The following PTPRG variants were observed in gnomAD, a reference collection of about 807,000 sequenced individuals.
PTPRG encodes receptor-type tyrosine-protein phosphatase gamma.
Under a neutral mutation model 165.3 loss-of-function variants are expected in PTPRG, and 102 were observed. The observed-to-expected ratio is 0.62, with a 90% confidence interval of 0.53 to 0.73. The LOEUF (loss-of-function observed/expected upper bound fraction) is 0.73, where lower values mean the gene tolerates loss of function less well. Among genes scored for constraint, PTPRG ranks in the 30% least tolerant of loss-of-function variants. The pLI, the probability that PTPRG is intolerant of heterozygous loss-of-function variation, is 0.00. For missense variants in PTPRG, 1,866 were observed against 1,861.4 expected (o/e 1.00, Z -0.05); for synonymous variants, 675 against 669.5 (o/e 1.01, Z -0.13).
At chr3:62,220,370 A>C (rs192870545) in intron 13 of PTPRG, among the ~76,000 whole-genome samples, 33 of 152,364 alleles carry the variant, frequency 2.2e-4, no homozygotes, top group Admixed American at 9.8e-4. Context: ...GGGCAGAAAC[A>C]GAGACCATCG....
chr3:62,275,821 A>G lies in PTPRG; in HGVS notation c.3466-52A>G, dbSNP rs576417758. On this transcript the variant is annotated intron_variant, in intron 23 of 29. Transcript: ENST00000474889. ...GGATTTTTGCCAAAGCATCAAGCAA[A>G]TGCTATCAATTATATCTTTGAATGA... 9 of 1,373,800 alleles carry G rather than the reference A, an allele frequency of 6.6e-6. No individual in the cohort carries two copies. In the South Asian group the frequency reaches 7.8e-5, roughly 12 times the overall value. 85.1% of individuals were successfully genotyped at this position (1,373,800 alleles called of 1,614,324 possible).
intron 2 of PTPRG, among the ~76,000 whole-genome samples, chr3:61,861,641 T>C (rs12633401): frequency 0.11 from 17,134 of 152,212 alleles, 1,608 homozygotes; most frequent in East Asian, 0.49. Context: ...TCAGTCACAA[T>C]AGTTTTCACA....
At chr3:61,562,403 C>T (rs1478365082) in intron 1 of PTPRG, 31 bp downstream of exon 1, 6 of 1,603,922 alleles carry the variant, frequency 3.7e-6, no homozygotes, top group East Asian at 4.5e-5. Flanking sequence ...GGATGCGGCC[C>T]CGGCCGGCGC....
intron 6 of PTPRG, among the ~76,000 whole-genome samples, chr3:62,149,746 C>G (rs1217432511): frequency 6.6e-6 from 1 of 152,148 alleles, no homozygotes; most frequent in African/African-American, 2.4e-5. Flanking sequence ...CATTCATGGC[C>G]GGTCTAGACT....
intron 1 of PTPRG, among the ~76,000 whole-genome samples, chr3:61,650,257 G>A (rs556755794): frequency 6.6e-6 from 1 of 152,272 alleles, no homozygotes; most frequent in Non-Finnish European, 1.5e-5. Context: ...AAGGGTGGGG[G>A]CACCATGTAC....
At chr3:62,164,756 G>A (rs1020596312) in intron 7 of PTPRG, among the ~76,000 whole-genome samples, 1 of 152,182 alleles carries the variant, frequency 6.6e-6, no homozygotes, top group African/African-American at 2.4e-5. Context: ...CATTTTTACA[G>A]TTATGTGACT....
At chr3:61,913,280 C>T (rs1278825271) in intron 2 of PTPRG, among the ~76,000 whole-genome samples, 1 of 152,082 alleles carries the variant, frequency 6.6e-6, no homozygotes, top group African/African-American at 2.4e-5. Context: ...AGTGCAGTGG[C>T]GCGATCTTGG....
At chr3:61,666,908 A>C (rs1254408028) in intron 1 of PTPRG, among the ~76,000 whole-genome samples, 1 of 152,194 alleles carries the variant, frequency 6.6e-6, no homozygotes, top group African/African-American at 2.4e-5. Flanking sequence ...ATGGTGTAGA[A>C]CAGTACTTGG....
At chr3:61,895,139 A>C (rs1430389229) in intron 2 of PTPRG, among the ~76,000 whole-genome samples, 1 of 152,178 alleles carries the variant, frequency 6.6e-6, no homozygotes, top group Non-Finnish European at 1.5e-5. Context: ...ATAAACAGGT[A>C]AGTGTTCTAA....
At chr3:62,138,534 C>T (rs1254862029) in intron 6 of PTPRG, among the ~76,000 whole-genome samples, 2 of 152,006 alleles carry the variant, frequency 1.3e-5, no homozygotes, top group Non-Finnish European at 2.9e-5. Context: ...GCCTGGCCAA[C>T]ATGGTGAATC....
chr3:61,826,035 G>T (rs1042873883), intron 2 of PTPRG, among the ~76,000 whole-genome samples: 2 of 152,176 alleles, frequency 1.3e-5, no homozygotes, highest in Admixed American at 6.5e-5. Context: ...TTAGCACTCT[G>T]CATGGTACAT....
chr3:61,758,418 T>C (rs186002974), intron 2 of PTPRG, among the ~76,000 whole-genome samples: 2 of 152,312 alleles, frequency 1.3e-5, no homozygotes, highest in Admixed American at 1.3e-4. Context: ...TAATACTTTA[T>C]TGGCTGAAAT....
At chr3:61,730,225 T>G (rs1170430677) in intron 1 of PTPRG, among the ~76,000 whole-genome samples, 1 of 151,640 alleles carries the variant, frequency 6.6e-6, no homozygotes, top group Non-Finnish European at 1.5e-5. Flanking sequence ...CACCAACTGT[T>G]GCAGCTACAG....
intron 4 of PTPRG, among the ~76,000 whole-genome samples, chr3:62,052,470 G>A (rs1017209025): frequency 3.3e-5 from 5 of 152,212 alleles, no homozygotes; most frequent in East Asian, 3.8e-4. Flanking sequence ...CAAGGCAGGA[G>A]GATCAGGAGG....
chr3:61,794,299 TTCTTG>T (rs770899333), intron 2 of PTPRG, among the ~76,000 whole-genome samples: 4 of 152,218 alleles, frequency 2.6e-5, no homozygotes, highest in East Asian at 3.9e-4. Context: ...TAAAAAATTC[TTCTTG>T]TCTTTATTTT....
intron 6 of PTPRG, among the ~76,000 whole-genome samples, chr3:62,134,174 A>G (rs940188108): frequency 6.6e-6 from 1 of 152,090 alleles, no homozygotes; most frequent in Admixed American, 6.5e-5. Flanking sequence ...GCTGCTACAT[A>G]TGGAAAAACG....
At position 61,784,890 on chromosome 3, in the gene PTPRG, C is replaced by T. The variant is rs140097107; in HGVS notation, c.190+35908C>T. 7.0e-3 allele frequency among the ~76,000 whole-genome samples: 1,058 copies of T among 152,198 alleles called. 18 individuals are homozygous for T. The highest frequency in any genetic ancestry group is 0.039 in the South Asian group (186 of 4,814). On this transcript the variant is annotated intron_variant, in intron 2 of 29. Coordinates refer to ENST00000474889, the MANE Select transcript of PTPRG (RefSeq NM_002841.4). ...CAAGAACAGCTTAATAGTCTGAAAA[C>T]GGATGAATTTAAAATTAGAGAGTTG...
At chr3:62,164,312 G>A (rs913680395) in intron 7 of PTPRG, among the ~76,000 whole-genome samples, 3 of 152,138 alleles carry the variant, frequency 2.0e-5, no homozygotes, top group East Asian at 3.9e-4. Flanking sequence ...AGTAGATTTC[G>A]TCACTGCCCA....
At chr3:61,621,047 ATATATG>A (rs1225932850) in intron 1 of PTPRG, among the ~76,000 whole-genome samples, 3 of 97,160 alleles carry the variant, frequency 3.1e-5, no homozygotes, top group Non-Finnish European at 4.5e-5. Flanking sequence ...ATATATATAT[ATATATG>A]TGTGTGTGTG....
Sources: gnomAD v4.1 joint callset for allele counts (sites outside exome capture counted in the v4.1 genomes callset) on GRCh38, gnomAD v4.1.1 for gene constraint, MANE v1.5 for transcripts, NCBI Gene and HGNC (gene_info 2026-07-23, HGNC 2026-07-21) for gene names.